Variants in PTPN14 observed in about 807,000 individuals in gnomAD.
PTPN14 encodes the protein tyrosine-protein phosphatase non-receptor type 14.
A neutral mutation model predicts 126.8 loss-of-function variants in PTPN14; 53 were observed. The observed-to-expected ratio is 0.42, with a 90% CI of 0.34 to 0.53. PTPN14 has a LOEUF of 0.53. Among genes scored for constraint, PTPN14 ranks in the 20% least tolerant of loss-of-function variants. PTPN14 has a pLI of 0.08. For missense variants in PTPN14, 1,257 were observed against 1,552.9 expected (o/e 0.81, Z 3.20); for synonymous variants, 630 against 599.3 (o/e 1.05, Z -0.75).
intron 1 of PTPN14, chr1:214,532,824 C>A: frequency 1.1e-6 from 1 of 904,802 alleles, no homozygotes; most frequent in Admixed American, 1.7e-5. Flanking sequence ...TCATGAAGAA[C>A]CACAAAGATG....
intron 1 of PTPN14, among the ~76,000 whole-genome samples, chr1:214,542,409 G>C (rs541672147): frequency 1.3e-5 from 2 of 152,184 alleles, no homozygotes; most frequent in African/African-American, 2.4e-5. Flanking sequence ...AATGACGCGG[G>C]GGGGCAGCCT....
intron 10 of PTPN14, among the ~76,000 whole-genome samples, chr1:214,391,840 G>A (rs564800148): frequency 8.5e-4 from 129 of 152,122 alleles, no homozygotes; most frequent in Middle Eastern, 6.8e-3. Context: ...AAATGATGGA[G>A]GTAATATAGC....
rs73074045 is a variant in PTPN14 at position 214,378,183 on chromosome 1, T to C, written c.2545-81A>G. On this transcript the variant is annotated intron_variant, in intron 13 of 18. Coordinates refer to ENST00000366956, the MANE Select transcript of PTPN14 (RefSeq NM_005401.5). The stretch of plus-strand genomic sequence containing the variant: ...ATGTGTTTTAATCTCCTCAAATCTG[T>C]AACTCCCCAGCCAAGGAATGCAGAC... 32,022 of 1,453,182 alleles carry C rather than the reference T, an allele frequency of 0.022. 897 individuals carry two copies. The highest frequency in any genetic ancestry group is 0.13 in the African/African-American group (9,147 of 70,646). The allele number at this position is 1,453,182 out of a possible 1,614,324, so 90.0% of individuals were successfully genotyped here.
intron 1 of PTPN14, among the ~76,000 whole-genome samples, chr1:214,475,799 C>T (rs1412055085): frequency 6.6e-6 from 1 of 152,084 alleles, no homozygotes; most frequent in South Asian, 2.1e-4. Flanking sequence ...AGGACTGAGG[C>T]TAAAGAGAGG....
chr1:214,544,453 G>A (rs773416481), intron 1 of PTPN14, among the ~76,000 whole-genome samples: 4 of 150,768 alleles, frequency 2.7e-5, no homozygotes, highest in South Asian at 2.1e-4. Flanking sequence ...AGAAAAGAAC[G>A]AGAAAGAAAA....
chr1:214,372,525 T>C (rs921724337), intron 16 of PTPN14, among the ~76,000 whole-genome samples, 186 bp downstream of exon 16: 2 of 152,178 alleles, frequency 1.3e-5, no homozygotes, highest in Non-Finnish European at 2.9e-5. Flanking sequence ...AACAATCAAT[T>C]ATCTCCAGGG....
At chr1:214,486,454 G>T (rs1369316696) in intron 1 of PTPN14, among the ~76,000 whole-genome samples, 1 of 152,130 alleles carries the variant, frequency 6.6e-6, no homozygotes, top group Non-Finnish European at 1.5e-5. Context: ...GATTCTAGTG[G>T]GATACAGCAA....
At chr1:214,417,029 A>C (rs976550249) in intron 3 of PTPN14, among the ~76,000 whole-genome samples, 25 of 152,130 alleles carry the variant, frequency 1.6e-4, no homozygotes, top group African/African-American at 3.1e-4. Flanking sequence ...GGAAAAAAAA[A>C]AACAACAATT....
intron 1 of PTPN14, among the ~76,000 whole-genome samples, chr1:214,538,863 T>C (rs1655771953): frequency 6.6e-6 from 1 of 152,230 alleles, no homozygotes; most frequent in African/African-American, 2.4e-5. Context: ...ATCTGAATTT[T>C]TCTTTGAAGG....
intron 1 of PTPN14, among the ~76,000 whole-genome samples, chr1:214,522,140 G>T (rs1400530561): frequency 6.6e-6 from 1 of 151,812 alleles, no homozygotes; most frequent in African/African-American, 2.4e-5. Flanking sequence ...TCGCCATGTC[G>T]GCCAGGCTGA....
At chr1:214,375,096 A>G (rs1658311591) in intron 15 of PTPN14, among the ~76,000 whole-genome samples, 1 of 152,026 alleles carries the variant, frequency 6.6e-6, no homozygotes, top group South Asian at 2.1e-4. Flanking sequence ...TATGATAGTT[A>G]CTCTTTTATA....
chr1:214,539,766 T>C (rs17023159), intron 1 of PTPN14, among the ~76,000 whole-genome samples: 3,008 of 152,198 alleles, frequency 0.02, 101 homozygotes, highest in African/African-American at 0.069. Flanking sequence ...TATTAGTGCA[T>C]ATTCACGGGC....
At chr1:214,471,985 T>C (rs1181231256) in intron 1 of PTPN14, among the ~76,000 whole-genome samples, 1 of 152,144 alleles carries the variant, frequency 6.6e-6, no homozygotes, top group Admixed American at 6.5e-5. Context: ...TCACAGAGTC[T>C]CTCATCCTAC....
chr1:214,388,558 C>A (rs1323139844), intron 11 of PTPN14, among the ~76,000 whole-genome samples: 2 of 152,062 alleles, frequency 1.3e-5, no homozygotes, highest in African/African-American at 4.8e-5. Context: ...AGACGCTGTG[C>A]CACCAGGCCC....
chr1:214,524,743 T>C (rs1655345819), intron 1 of PTPN14, among the ~76,000 whole-genome samples: 1 of 152,152 alleles, frequency 6.6e-6, no homozygotes, highest in African/African-American at 2.4e-5. Flanking sequence ...AAATTTATTT[T>C]TTCAGACTAT....
chr1:214,490,421 T>C (rs1183778213), intron 1 of PTPN14, among the ~76,000 whole-genome samples: 1 of 152,216 alleles, frequency 6.6e-6, no homozygotes, highest in Non-Finnish European at 1.5e-5. Context: ...TTAAAAATCA[T>C]ATTGTTTCAT....
At chr1:214,406,687 A>G (rs1001642787) in intron 5 of PTPN14, among the ~76,000 whole-genome samples, 4 of 152,188 alleles carry the variant, frequency 2.6e-5, no homozygotes, top group African/African-American at 4.8e-5. Flanking sequence ...TGCTGTTTAC[A>G]TATCTGATTT....
chr1:214,439,621 AAACC>A lies in PTPN14; in HGVS notation c.344+12180_344+12183del, dbSNP rs1659994416. ...CTGACCTTGAGAGTTAGGAGGCTGT[AAACC>A]GAAACATGTTGCAACATGTCCCGCT... On this transcript the variant is annotated intron_variant, in intron 3 of 18. Coordinates refer to ENST00000366956, the MANE Select transcript of PTPN14 (RefSeq NM_005401.5). 2.0e-5 allele frequency among the ~76,000 whole-genome samples: 3 copies of A among 152,232 alleles called. No individual in the cohort carries two copies. The South Asian group carries it at 6.2e-4, about 31-fold the overall frequency.
intron 1 of PTPN14, among the ~76,000 whole-genome samples, chr1:214,478,493 A>T (rs952479605): frequency 6.6e-6 from 1 of 152,190 alleles, no homozygotes; most frequent in African/African-American, 2.4e-5. Context: ...ACAGAGAAGA[A>T]ACATCTACTT....
Sources: gnomAD v4.1 joint callset for allele counts (sites outside exome capture counted in the v4.1 genomes callset) on GRCh38, gnomAD v4.1.1 for gene constraint, MANE v1.5 for transcripts, NCBI Gene and HGNC (gene_info 2026-07-23, HGNC 2026-07-21) for gene names.